The following CDYL variants were observed in gnomAD, a reference collection of about 807,000 sequenced individuals.
CDYL encodes chromodomain Y like.
In CDYL, 8 loss-of-function variants were observed where a neutral mutation model predicts 47.3. The ratio of observed to expected loss-of-function variants is 0.17; its 90% CI spans 0.10 to 0.31. The LOEUF (loss-of-function observed/expected upper bound fraction) is 0.31. Ranked by LOEUF, CDYL falls within the 10% of genes least tolerant of loss-of-function variation. CDYL has a pLI of 1.00. For missense variants in CDYL, 471 were observed against 701.4 expected, an observed-to-expected ratio of 0.67 and a Z score of 3.71; for synonymous variants, 266 against 265.0, an observed-to-expected ratio of 1.00 and a Z score of -0.04.
intron 1 of CDYL, among the ~76,000 whole-genome samples, chr6:4,781,584 C>CA (rs1457484787): frequency 6.6e-6 from 1 of 152,162 alleles, no homozygotes; most frequent in Non-Finnish European, 1.5e-5. Context: ...GCCCCAGCAG[C>CA]AGTGTGGAGA....
At chr6:4,872,475 A>C (rs550859163) in intron 1 of CDYL, among the ~76,000 whole-genome samples, 1 of 152,082 alleles carries the variant, frequency 6.6e-6, no homozygotes, top group Admixed American at 6.6e-5. Flanking sequence ...TCCGCCTCCC[A>C]GGTTCAAGGA....
intron 2 of CDYL, among the ~76,000 whole-genome samples, chr6:4,919,643 G>GAA (rs1757655825): frequency 6.6e-6 from 1 of 152,118 alleles, no homozygotes; most frequent in South Asian, 2.1e-4. Flanking sequence ...ACATGTAAAG[G>GAA]ATTTTACCTC....
intron 2 of CDYL, among the ~76,000 whole-genome samples, chr6:4,894,878 T>C (rs1325374855): frequency 6.8e-6 from 1 of 148,106 alleles, no homozygotes; most frequent in South Asian, 2.1e-4. Flanking sequence ...TACACACATG[T>C]GTATGTGTGT....
At position 4,829,014 on chromosome 6, in the gene CDYL, C is replaced by T. The variant is rs192668837; in HGVS notation, c.24+52207C>T. On this transcript the variant is annotated intron_variant, in intron 1 of 6. Transcript: ENST00000397588. Reference sequence around the variant, plus strand: ...TAAATTGTTCTGATTTCCTTCAGTTCTTCATATCTTTCTTTTGCTTTTTGA... The same window carrying T: ...TAAATTGTTCTGATTTCCTTCAGTTTTTCATATCTTTCTTTTGCTTTTTGA... 7.7e-3 allele frequency among the ~76,000 whole-genome samples: 1,169 copies of T among 152,052 alleles called. 16 individuals are homozygous for T. The highest frequency in any genetic ancestry group is 0.027 in the African/African-American group (1,128 of 41,500).
At chr6:4,720,042 G>T (rs533434363) in intron 2 of CDYL, among the ~76,000 whole-genome samples, 48 of 152,258 alleles carry the variant, frequency 3.2e-4, no homozygotes, top group African/African-American at 1.1e-3. Context: ...AATCTTTACT[G>T]CATTATTAAT....
rs1041835840 is a variant in CDYL, at chr6:4,810,647, G to T, written c.24+33840G>T. ...AAAATACTATAAACTGGGAGGCTTAGAAATAACATAAATGTATGCTCATAG... is the reference window on the plus strand; with the variant it reads ...AAAATACTATAAACTGGGAGGCTTATAAATAACATAAATGTATGCTCATAG... On this transcript the variant is annotated intron_variant, in intron 1 of 6. Coordinates refer to ENST00000397588, the MANE Select transcript of CDYL (RefSeq NM_004824.4). Among the ~76,000 whole-genome samples, 13 of 152,186 alleles carry T rather than the reference G, an allele frequency of 8.5e-5. No individual in the cohort carries two copies. In the South Asian group the frequency reaches 2.7e-3, roughly 31 times the overall value.
In CDYL at chr6:4,954,979, G is replaced by T. The variant is rs893350810; in HGVS notation, c.*923G>T. The T allele has an allele frequency of 6.6e-6, 1 of 152,212 alleles. No individual in the cohort carries two copies. Among genetic ancestry groups the T allele is most frequent in the Admixed American group, 6.6e-5 (1 of 15,262 alleles). The allele number at this position is 152,212 out of a possible 1,614,324, so 9.4% of individuals were successfully genotyped here. Reference sequence around the variant, plus strand: ...TTTCACCAAAATAAAATATTTTTATGTTTATAAAGTGTAATTTTTAGGTTC... The same window carrying T: ...TTTCACCAAAATAAAATATTTTTATTTTTATAAAGTGTAATTTTTAGGTTC... On this transcript the variant is annotated 3_prime_UTR_variant, in exon 7 of 7. Transcript: ENST00000397588.
chr6:4,779,803 G>A (rs1758561861), intron 1 of CDYL, among the ~76,000 whole-genome samples: 3 of 152,280 alleles, frequency 2.0e-5, no homozygotes, highest in South Asian at 4.1e-4. Flanking sequence ...TTATATTATG[G>A]TCTTTGTTGC....
intron 1 of CDYL, among the ~76,000 whole-genome samples, chr6:4,816,309 A>G (rs114985472): frequency 6.6e-6 from 1 of 151,412 alleles, no homozygotes; most frequent in African/African-American, 2.4e-5. Context: ...GTTGACTTTA[A>G]GAGTTTTATT....
intron 4 of CDYL, among the ~76,000 whole-genome samples, chr6:4,942,921 G>A (rs766396284): frequency 3.2e-4 from 48 of 152,292 alleles, no homozygotes; most frequent in Non-Finnish European, 5.0e-4. Flanking sequence ...TTTGCAGGTC[G>A]CATGTCTTGA....
chr6:4,830,411 C>T (rs1164407967), intron 1 of CDYL, among the ~76,000 whole-genome samples: 6 of 152,270 alleles, frequency 3.9e-5, no homozygotes, highest in East Asian at 1.9e-4. Flanking sequence ...CCCCAGCCCC[C>T]TGCTATATTC....
chr6:4,926,282 T>C (rs1236629415), intron 2 of CDYL, among the ~76,000 whole-genome samples: 1 of 152,142 alleles, frequency 6.6e-6, no homozygotes, highest in Non-Finnish European at 1.5e-5. Flanking sequence ...AATTATAAGG[T>C]TTTGTATAGG....
intron 2 of CDYL, chr6:4,724,830 C>T (rs1561825525): frequency 6.6e-6 from 1 of 152,124 alleles, no homozygotes; most frequent in Non-Finnish European, 1.5e-5. Context: ...ATATTTATTG[C>T]AAAGAGCAAA....
At chr6:4,832,991 C>G (rs75147255) in intron 1 of CDYL, among the ~76,000 whole-genome samples, 1 of 151,768 alleles carries the variant, frequency 6.6e-6, no homozygotes, top group Admixed American at 6.6e-5. Context: ...TGCTAGCAGT[C>G]TATCAATTTT....
chr6:4,707,825 T>C (rs1175629676), intron 1 of CDYL, among the ~76,000 whole-genome samples: 1 of 152,226 alleles, frequency 6.6e-6, no homozygotes, highest in Non-Finnish European at 1.5e-5. Flanking sequence ...TGTTAATTAA[T>C]GTATTTAAGA....
At chr6:4,804,472 C>T (rs554263384) in intron 1 of CDYL, among the ~76,000 whole-genome samples, 3 of 152,272 alleles carry the variant, frequency 2.0e-5, no homozygotes, top group South Asian at 2.1e-4. Context: ...CTTTGTCTTA[C>T]GACCGCATCT....
At chr6:4,786,526 A>G (rs1005997170) in intron 1 of CDYL, among the ~76,000 whole-genome samples, 2 of 152,170 alleles carry the variant, frequency 1.3e-5, no homozygotes, top group Non-Finnish European at 2.9e-5. Context: ...AAATTTAAAA[A>G]GTTTGTTTTA....
Position 4,954,855 on chromosome 6 carries a change from C to A in CDYL, c.*799C>A, listed in dbSNP as rs990776917. 2.0e-5 allele frequency: 3 copies of A among 152,014 alleles called. No individual in the cohort carries two copies. The highest frequency in any genetic ancestry group is 7.2e-5 in the African/African-American group (3 of 41,392). The allele number at this position is 152,014 out of a possible 1,614,324, so 9.4% of individuals were successfully genotyped here. On this transcript the variant is annotated 3_prime_UTR_variant, in exon 7 of 7. Coordinates refer to ENST00000397588, the MANE Select transcript of CDYL (RefSeq NM_004824.4). ...GTGGGTTTTAAATAGTTTTTCTGAC[C>A]CTTCTGAAAAATAACTACATAAGTG...
At chr6:4,913,961 A>G (rs533180287) in intron 2 of CDYL, among the ~76,000 whole-genome samples, 5 of 152,320 alleles carry the variant, frequency 3.3e-5, no homozygotes, top group Admixed American at 2.0e-4. Context: ...ACCTTGGGAA[A>G]CATAATTTAT....
Sources: gnomAD v4.1 joint callset for allele counts (sites outside exome capture counted in the v4.1 genomes callset) on GRCh38, gnomAD v4.1.1 for gene constraint, MANE v1.5 for transcripts, NCBI Gene and HGNC (gene_info 2026-07-23, HGNC 2026-07-21) for gene names.